Variants in LIPJ observed in about 807,000 individuals in gnomAD.
LIPJ encodes lipase member J.
LIPJ carries 33 observed loss-of-function variants against 39.8 expected under a neutral mutation model. That is an observed-to-expected ratio of 0.83 (90% CI 0.63 to 1.11). LIPJ has a LOEUF of 1.11. Ranked by LOEUF, LIPJ falls within the 50% of genes least tolerant of loss-of-function variation. The pLI, the probability that LIPJ is intolerant of heterozygous loss-of-function variation, is 0.00. For missense variants in LIPJ, 422 were observed against 427.9 expected (o/e 0.99, Z 0.12); for synonymous variants, 128 against 139.2 (o/e 0.92, Z 0.57).
Position 88,606,713 on chromosome 10 carries a change from G to T in LIPJ, c.907G>T (p.Ala303Ser), listed in dbSNP as rs372420893. 15 of 1,613,070 alleles carry T rather than the reference G, an allele frequency of 9.3e-6. No homozygotes were observed. In the African/African-American group the frequency reaches 1.6e-4, roughly 17 times the overall value. Residue 303 changes from alanine to serine, a missense_variant, in exon 11 of 11, where the codon GCA becomes TCA. Ala to Ser is a moderately conservative substitution (Grantham distance 99). Coordinates refer to ENST00000371939, the Ensembl canonical transcript of LIPJ. ...ATACAACATGACAAACATGAATGTG[G>T]CAACTGCAATTTGGAATGGTAAAAG...
chr10:88,620,622 A>G, the LIPJ span, among the ~76,000 whole-genome samples: 1 of 151,910 alleles, frequency 6.6e-6, no homozygotes. Context: ...AGAATGGCTG[A>G]AAAAAAATAA....
downstream of LIPJ, among the ~76,000 whole-genome samples, chr10:88,607,277 T>G (rs1490525565): frequency 1.3e-5 from 2 of 152,176 alleles, no homozygotes; most frequent in Non-Finnish European, 2.9e-5. Context: ...GATATGAAAG[T>G]TAATGTTCCT....
the LIPJ span, among the ~76,000 whole-genome samples, chr10:88,617,504 G>T: frequency 1.3e-5 from 2 of 152,136 alleles, no homozygotes; most frequent in African/African-American, 2.4e-5. Context: ...AGAAATATCA[G>T]TTTTTGTCAC....
chr10:88,616,041 A>G, the LIPJ span, among the ~76,000 whole-genome samples: 3 of 152,348 alleles, frequency 2.0e-5, no homozygotes, highest in East Asian at 5.8e-4. Flanking sequence ...GCAAGACCCC[A>G]TCTCTACAAA....
rs186358159 is a variant in LIPJ, at chr10:88,593,896, A to G, written c.131-50A>G. ...TTTGAATTTCAGATAAAAGATTTTC[A>G]TATAGATAACTACAAAATTTATAAA... On this transcript the variant is annotated intron_variant, in intron 4 of 10. Coordinates refer to ENST00000371939, the Ensembl canonical transcript of LIPJ. 9.6e-4 allele frequency: 1,422 copies of G among 1,483,124 alleles called. 18 individuals carry two copies. The highest frequency in any genetic ancestry group is 4.5e-3 in the East Asian group (195 of 43,372). The allele number at this position is 1,483,124 out of a possible 1,614,324, so 91.9% of individuals were successfully genotyped here. A position where few individuals can be genotyped will look rare whatever the true frequency, so the allele number is the denominator to read the frequency against.
the LIPJ span, among the ~76,000 whole-genome samples, chr10:88,614,080 A>C: frequency 1.3e-5 from 2 of 151,594 alleles, no homozygotes; most frequent in South Asian, 4.1e-4. Context: ...GATCTTAAGC[A>C]CAAAACTGTG....
intron 8 of LIPJ, among the ~76,000 whole-genome samples, chr10:88,601,586 C>A (rs1044224816): frequency 6.6e-6 from 1 of 152,114 alleles, no homozygotes; most frequent in Non-Finnish European, 1.5e-5. Context: ...TGGAAAATGT[C>A]CGCAGGATGA....
chr10:88,602,148 A>G (rs980087328), intron 8 of LIPJ, among the ~76,000 whole-genome samples: 1 of 152,140 alleles, frequency 6.6e-6, no homozygotes, highest in African/African-American at 2.4e-5. Context: ...GAAACTTCAC[A>G]TTCTCCTGGA....
chr10:88,615,461 G>A, the LIPJ span, among the ~76,000 whole-genome samples: 1 of 151,676 alleles, frequency 6.6e-6, no homozygotes, highest in Non-Finnish European at 1.5e-5. Context: ...GGTGGGGCAG[G>A]AGAATCACTT....
In LIPJ at chr10:88,599,008, A is replaced by AAT. The variant is rs1389174196; in HGVS notation, c.723+2074_723+2075dup. On this transcript the variant is annotated intron_variant, in intron 8 of 10. Coordinates refer to ENST00000371939, the Ensembl canonical transcript of LIPJ. ...AATATAAAATATTATATTATATTAT[A>AAT]ATAATATATTATATTAATTTAATAT... Among the ~76,000 whole-genome samples the AAT allele has an allele frequency of 4.6e-4, 65 of 142,758 alleles. 1 individual carries two copies. The highest frequency in any genetic ancestry group is 1.5e-3 in the African/African-American group (59 of 38,366). The allele number at this position is 142,758 out of a possible 152,430, so 93.7% of individuals were successfully genotyped here.
the LIPJ span, among the ~76,000 whole-genome samples, chr10:88,616,841 TAGAGGA>T: frequency 6.6e-6 from 1 of 152,184 alleles, no homozygotes; most frequent in African/African-American, 2.4e-5. Flanking sequence ...CTACAGTCTC[TAGAGGA>T]CTGAAACCCT....
chr10:88,615,638 A>AC, the LIPJ span, among the ~76,000 whole-genome samples: 7 of 149,904 alleles, frequency 4.7e-5, no homozygotes, highest in Non-Finnish European at 1.0e-4. Flanking sequence ...AAAAAAAAAA[A>AC]AAAAAAAAAA....
chr10:88,583,659 C>G (rs2134526755), upstream of LIPJ: 1 of 989,092 alleles, frequency 1.0e-6, no homozygotes, highest in Non-Finnish European at 1.2e-6. Flanking sequence ...CACGGGCAAC[C>G]TTTCCTCTAA....
In LIPJ at chr10:88,590,593, C is replaced by T. The variant is rs1007534122; in HGVS notation, c.-95C>T. 7 of 963,652 alleles carry T rather than the reference C, an allele frequency of 7.3e-6. No individual in the cohort carries two copies. Among genetic ancestry groups the T allele is most frequent in the South Asian group, 2.6e-5 (2 of 75,996 alleles). 59.7% of individuals were successfully genotyped at this position (963,652 alleles called of 1,614,324 possible). On this transcript the variant is annotated 5_prime_UTR_variant, in exon 3 of 11. The change creates a new upstream start codon in the 5' untranslated region. Coordinates refer to ENST00000371939, the Ensembl canonical transcript of LIPJ. ...CTCCCTTTTATATATAGGTCCCAAA[C>T]GTGGTATCTTTTCACAATGATGTAT...
chr10:88,616,532 G>T, the LIPJ span, among the ~76,000 whole-genome samples: 1 of 152,236 alleles, frequency 6.6e-6, no homozygotes, highest in African/African-American at 2.4e-5. Context: ...ACCTGCTGAG[G>T]CCCTCAAAGC....
chr10:88,608,963 A>G (rs995209613), downstream of LIPJ, among the ~76,000 whole-genome samples: 2 of 152,232 alleles, frequency 1.3e-5, no homozygotes, highest in Non-Finnish European at 2.9e-5. Context: ...GGCTTACACC[A>G]AGCAACCAGT....
At chr10:88,607,112 A>G (rs1234107054), downstream of LIPJ, 2 of 407,710 alleles carry the variant, frequency 4.9e-6, no homozygotes, top group African/African-American at 2.0e-5. Context: ...AAATCAATCT[A>G]AGAAGCCTGT....
chr10:88,585,242 C>A (rs1480062084), upstream of LIPJ, among the ~76,000 whole-genome samples: 5 of 152,198 alleles, frequency 3.3e-5, no homozygotes, highest in Non-Finnish European at 5.9e-5. Flanking sequence ...CAAGGGCAGG[C>A]CTTCATGGTC....
chr10:88,590,725 G>A, intron 3 of LIPJ, 29 bp downstream of exon 3: 1 of 1,561,148 alleles, frequency 6.4e-7, no homozygotes, highest in Non-Finnish European at 8.8e-7. Context: ...AATCTGGACT[G>A]CTGAAATAAC....
Sources: allele counts gnomAD v4.1 joint callset (sites outside exome capture counted in the v4.1 genomes callset), GRCh38; gene constraint gnomAD v4.1.1; transcripts MANE v1.5; gene names NCBI Gene and HGNC (gene_info 2026-07-23, HGNC 2026-07-21).